TCF12: variants seen among roughly 807,000 people sequenced by gnomAD.
The protein encoded by TCF12 is transcription factor 12.
TCF12 carries 45 observed loss-of-function variants against 86.0 expected under a neutral mutation model. That is an observed-to-expected ratio of 0.52 (90% CI 0.41 to 0.67). The LOEUF (loss-of-function observed/expected upper bound fraction) is 0.67. TCF12 is among the 30% of genes least tolerant of loss of function. The probability of loss-of-function intolerance (pLI) is 0.00; values close to 1 mark genes in which losing one functional copy is unlikely to be tolerated. For synonymous variants in TCF12, 330 were observed against 299.6 expected (o/e 1.10, Z -1.05); for missense variants, 881 against 859.9 (o/e 1.02, Z -0.31).
At chr15:57,036,209 C>T (rs1268742107) in intron 3 of TCF12, among the ~76,000 whole-genome samples, 2 of 151,858 alleles carry the variant, frequency 1.3e-5, no homozygotes, top group Non-Finnish European at 2.9e-5. Context: ...AGTTGAACAG[C>T]ACACCAGTGA....
At chr15:56,929,694 C>G (rs1387873685) in intron 3 of TCF12, among the ~76,000 whole-genome samples, 4 of 151,966 alleles carry the variant, frequency 2.6e-5, no homozygotes, top group Non-Finnish European at 5.9e-5. Context: ...ATGAAACCTT[C>G]AAAATAATAT....
In TCF12 at chr15:57,091,830, C is replaced by G; in HGVS notation, c.264C>G (p.Asp88Glu). 6.2e-7 allele frequency: 1 copy of G among 1,613,856 alleles called. No individual in the cohort carries two copies. Residue 88 changes from aspartate (D) to glutamate (E), a missense_variant, in exon 5 of 21, where the codon GAC becomes GAG. Physicochemically the swap from Asp to Glu is conservative, Grantham distance 45. Around this residue, in one of 3 missense-constraint regions of TCF12, gnomAD observed 766 missense variants for 718.9 expected, o/e 1.07. Transcript: ENST00000333725. ...DSPHYSDHLN[D>E]SRLGAHEGLS... ...CTCATTACAGTGATCACTTGAATGA[C>G]AGTCGATTAGGAGCCCATGAAGGCT...
At chr15:57,251,469 G>T in intron 14 of TCF12, 46 bp downstream of exon 14, 1 of 1,589,526 alleles carries the variant, frequency 6.3e-7, no homozygotes, top group South Asian at 1.1e-5. Flanking sequence ...CTTAGAGTTT[G>T]TTTGTTTTTG....
At chr15:56,956,391 A>G (rs1378152581) in intron 3 of TCF12, among the ~76,000 whole-genome samples, 1 of 151,778 alleles carries the variant, frequency 6.6e-6, no homozygotes, top group African/African-American at 2.4e-5. Flanking sequence ...TAGTGGTTTA[A>G]TGATTTGCAG....
At chr15:57,290,018 T>C (rs1597952294), downstream of TCF12, among the ~76,000 whole-genome samples, 1 of 57,744 alleles carries the variant, frequency 1.7e-5, no homozygotes, top group Non-Finnish European at 7.4e-5. Context: ...TTTAAGAGGA[T>C]TTTTTTTTTT....
At chr15:57,208,222 A>G (rs1037484128) in intron 8 of TCF12, among the ~76,000 whole-genome samples, 39 of 151,190 alleles carry the variant, frequency 2.6e-4, no homozygotes, top group Non-Finnish European at 5.2e-4. Flanking sequence ...TTTAGTAGAG[A>G]CGGGTTTCAC....
intron 16 of TCF12, among the ~76,000 whole-genome samples, chr15:57,257,097 T>C (rs2060380883): frequency 6.6e-6 from 1 of 152,234 alleles, no homozygotes; most frequent in South Asian, 2.1e-4. Flanking sequence ...CACGGCTGTA[T>C]TCCAATAAAA....
At chr15:57,262,362 A>G (rs1434332155) in intron 17 of TCF12, among the ~76,000 whole-genome samples, 154 bp downstream of exon 17, 1 of 152,160 alleles carries the variant, frequency 6.6e-6, no homozygotes, top group Non-Finnish European at 1.5e-5. Context: ...TAGGGTTCCA[A>G]CTGGCCCACC....
At chr15:57,063,570 G>A (rs2068621194) in intron 3 of TCF12, among the ~76,000 whole-genome samples, 180 bp from the exon 4 acceptor site, 1 of 152,082 alleles carries the variant, frequency 6.6e-6, no homozygotes, top group African/African-American at 2.4e-5. Context: ...GATTGATGGA[G>A]CAATGATGAA....
At chr15:57,270,713 G>A (rs1363392805) in intron 18 of TCF12, among the ~76,000 whole-genome samples, 1 of 152,120 alleles carries the variant, frequency 6.6e-6, no homozygotes, top group Non-Finnish European at 1.5e-5. Flanking sequence ...TCTACCTTTG[G>A]TCTTTGATGT....
chr15:56,980,067 T>C (rs1409756305), intron 3 of TCF12, among the ~76,000 whole-genome samples: 5 of 152,170 alleles, frequency 3.3e-5, no homozygotes, highest in African/African-American at 4.8e-5. Flanking sequence ...TAAGTCAAGA[T>C]TTTTGTTTTG....
chr15:57,070,677 C>T (rs764556940), intron 4 of TCF12, among the ~76,000 whole-genome samples: 1 of 151,962 alleles, frequency 6.6e-6, no homozygotes, highest in Admixed American at 6.6e-5. Context: ...AGTATTTTTT[C>T]GTTAATGTGG....
At chr15:56,999,071 G>C (rs555523520) in intron 3 of TCF12, among the ~76,000 whole-genome samples, 2 of 151,954 alleles carry the variant, frequency 1.3e-5, no homozygotes, top group Non-Finnish European at 2.9e-5. Context: ...GGTGGCGGGC[G>C]CCTGTAGTCC....
intron 19 of TCF12, 31 bp from the exon 20 acceptor site, chr15:57,282,414 T>C (rs2061732609): frequency 6.2e-6 from 10 of 1,613,728 alleles, no homozygotes; most frequent in South Asian, 3.3e-5. Context: ...CTTAAAACCA[T>C]AGTGATAAAA....
At chr15:57,195,828 C>G (rs192466262) in intron 7 of TCF12, among the ~76,000 whole-genome samples, 1 of 152,214 alleles carries the variant, frequency 6.6e-6, no homozygotes, top group East Asian at 1.9e-4. Flanking sequence ...CATAGTGAAA[C>G]ACCTCTCTAC....
intron 13 of TCF12, among the ~76,000 whole-genome samples, chr15:57,245,800 C>A (rs1472737638): frequency 1.3e-5 from 2 of 152,084 alleles, no homozygotes; most frequent in Admixed American, 6.5e-5. Context: ...TGTAATGAAG[C>A]CTTCTTTTTA....
chr15:57,240,353 T>C (rs1394019461), intron 12 of TCF12, among the ~76,000 whole-genome samples: 2 of 152,164 alleles, frequency 1.3e-5, no homozygotes, highest in Admixed American at 6.5e-5. Flanking sequence ...CTATGAAGAA[T>C]ACGAAAGAAG....
chr15:56,921,063 C>A lies in TCF12; in HGVS notation c.113C>A (p.Pro38Gln). The stretch of plus-strand genomic sequence containing the variant: ...CCTGTTAATAGTGGGAAAACTAGAC[C>A]AACTACACTGGGAAGCAGTCAATTC... ...SPPVNSGKTRPTTLGSSQFSG... is the reference protein window; with the variant it reads ...SPPVNSGKTRQTTLGSSQFSG... Residue 38 changes from proline (P) to glutamine (Q), a missense_variant, in exon 3 of 21, where the codon CCA (proline) becomes CAA (glutamine). Transcript: ENST00000333725. The A allele has an allele frequency of 6.2e-7, 1 of 1,607,872 alleles. No homozygotes were observed. Among genetic ancestry groups the A allele is most frequent in the South Asian group, 1.1e-5 (1 of 90,174 alleles).
intron 16 of TCF12, among the ~76,000 whole-genome samples, chr15:57,256,920 A>G (rs572413821): frequency 1.7e-4 from 26 of 152,184 alleles, no homozygotes; most frequent in Non-Finnish European, 3.5e-4. Flanking sequence ...GGGTTTAAAT[A>G]TATCACTCTT....
Sources: gnomAD v4.1 joint callset for allele counts (sites outside exome capture counted in the v4.1 genomes callset) on GRCh38, gnomAD v4.1.1 for gene constraint, gnomAD v4.1.1 regional missense constraint, MANE v1.5 for transcripts, NCBI Gene and HGNC (gene_info 2026-07-23, HGNC 2026-07-21) for gene names.